The following XRN1 variants were observed in gnomAD, a reference collection of about 807,000 sequenced individuals.
XRN1 encodes the protein 5'-3' exoribonuclease 1, also known as strand-exchange protein 1 homolog.
In XRN1, 67 loss-of-function variants were observed where a neutral mutation model predicts 222.3. That is an observed-to-expected ratio of 0.30 (90% CI 0.25 to 0.37). The LOEUF (loss-of-function observed/expected upper bound fraction) is 0.37, where lower values mean the gene tolerates loss of function less well. Ranked by LOEUF, XRN1 falls within the 10% of genes least tolerant of loss-of-function variation. The probability of loss-of-function intolerance (pLI) is 1.00; values close to 1 mark genes in which losing one functional copy is unlikely to be tolerated. For missense variants in XRN1, 1,707 were observed against 2,000.2 expected (o/e 0.85, Z 2.80); for synonymous variants, 643 against 652.4 (o/e 0.99, Z 0.22).
chr3:142,440,275 T>C (rs1190190520), intron 1 of XRN1, among the ~76,000 whole-genome samples: 1 of 152,170 alleles, frequency 6.6e-6, no homozygotes, highest in East Asian at 1.9e-4. Context: ...TGGGGAACTT[T>C]ACTCTTTTCA....
chr3:142,410,490 T>TTG (rs1256087901), intron 15 of XRN1, among the ~76,000 whole-genome samples: 64 of 127,790 alleles, frequency 5.0e-4, no homozygotes, highest in Non-Finnish European at 7.3e-4. Context: ...ATCTCATGTT[T>TTG]TTTTTTTTTT....
At chr3:142,329,290 T>C in intron 37 of XRN1, 144 bp downstream of exon 37, 1 of 480,096 alleles carries the variant, frequency 2.1e-6, no homozygotes, top group Non-Finnish European at 3.4e-6. Context: ...ATATTAGAGC[T>C]AGGGTAAGAA....
At position 142,370,488 on chromosome 3, in the gene XRN1, G is replaced by C. The variant is rs746397935; in HGVS notation, c.3201C>G (p.Cys1067Trp). 6.2e-7 allele frequency: 1 copy of C among 1,604,552 alleles called. No individual in the cohort carries two copies. The highest frequency in any genetic ancestry group is 8.5e-7 in the Non-Finnish European group (1 of 1,177,024). The part of the protein sequence containing the change: ...VEKIEEEVEK[C>W]KQRKNNKKVR... Reference sequence around the variant, plus strand: ...CTTGGTTACTGAAAGTTAGTACCTTGCACTTTTCGACTTCTTCCTCAATTT... The same window carrying C: ...CTTGGTTACTGAAAGTTAGTACCTTCCACTTTTCGACTTCTTCCTCAATTT... Residue 1067 changes from cysteine (C) to tryptophan (W), a missense_variant, in exon 27 of 41, where the codon TGC (cysteine) becomes TGG (tryptophan). Cys to Trp is a radical substitution (Grantham distance 215). This residue lies in a region of XRN1 where 1,234 missense variants were observed against 1,518.2 expected (regional missense o/e 0.81). Coordinates refer to ENST00000392981, the MANE Select transcript of XRN1 (RefSeq NM_001282857.2).
At chr3:142,352,403 C>T (rs1300615640) in intron 32 of XRN1, among the ~76,000 whole-genome samples, 1 of 152,154 alleles carries the variant, frequency 6.6e-6, no homozygotes, top group Non-Finnish European at 1.5e-5. Context: ...CTTATAATAG[C>T]ATATTGGCTG....
At chr3:142,378,071 A>G (rs76500670) in intron 23 of XRN1, among the ~76,000 whole-genome samples, 4 of 151,472 alleles carry the variant, frequency 2.6e-5, no homozygotes, top group South Asian at 2.1e-4. Context: ...CTATTAGTGG[A>G]AAAAAAAAGG....
chr3:142,369,476 G>A (rs1036249649), intron 27 of XRN1, among the ~76,000 whole-genome samples: 1 of 151,104 alleles, frequency 6.6e-6, no homozygotes, highest in African/African-American at 2.4e-5. Context: ...GCAAAACTCC[G>A]TCTCTACTAA....
chr3:142,320,259 G>A (rs537493894), intron 37 of XRN1, among the ~76,000 whole-genome samples: 3 of 151,910 alleles, frequency 2.0e-5, no homozygotes, highest in South Asian at 4.2e-4. Context: ...TTTAATAATA[G>A]CCATTCCGCC....
At chr3:142,355,569 A>C in intron 31 of XRN1, 73 bp from the exon 32 acceptor site, 1 of 1,011,464 alleles carries the variant, frequency 9.9e-7, no homozygotes, top group Non-Finnish European at 1.5e-6. Flanking sequence ...AAATCAAATA[A>C]TTCATCTATT....
At position 142,355,453 on chromosome 3, in the gene XRN1, G is replaced by A. The variant is rs2066439182; in HGVS notation, c.3716C>T (p.Ser1239Phe). Reference protein sequence around the residue: ...DDDEFCNIWQSLQGSGKMQYF... With the variant: ...DDDEFCNIWQFLQGSGKMQYF... ...TTGCATCTTTCCAGATCCCTGTAAG[G>A]ACTGCCAAATGTTGCAGAATTCATC... is the stretch of plus-strand genomic sequence containing the variant. Residue 1239 changes from serine (S) to phenylalanine (F), a missense_variant, in exon 32 of 41, where the codon TCC (serine) becomes TTC (phenylalanine). By Grantham distance (155) the Ser-to-Phe change is radical. Coordinates refer to ENST00000392981, the MANE Select transcript of XRN1 (RefSeq NM_001282857.2). The A allele has an allele frequency of 1.3e-6, 2 of 1,599,808 alleles. No individual in the cohort carries two copies. The highest frequency in any genetic ancestry group is 1.7e-6 in the Non-Finnish European group (2 of 1,171,446).
chr3:142,431,182 T>C (rs2069504632), intron 2 of XRN1, among the ~76,000 whole-genome samples: 1 of 152,236 alleles, frequency 6.6e-6, no homozygotes. Flanking sequence ...TCTACTACAG[T>C]ACTATCATTT....
chr3:142,360,873 C>CA (rs71153960), intron 29 of XRN1, among the ~76,000 whole-genome samples: 69,470 of 118,808 alleles, frequency 0.58, 20,775 homozygotes, highest in South Asian at 0.68. Flanking sequence ...GACTCCGTCT[C>CA]AAAAAAAAAA....
At chr3:142,416,236 G>A (rs1486427470) in intron 13 of XRN1, among the ~76,000 whole-genome samples, 1 of 152,098 alleles carries the variant, frequency 6.6e-6, no homozygotes, top group Non-Finnish European at 1.5e-5. Context: ...GAGTGCAGTG[G>A]TGCGATCTCA....
At position 142,376,546 on chromosome 3, in the gene XRN1, C is replaced by G; in HGVS notation, c.2764G>C (p.Gly922Arg). ...NPGYVLASRL[G>R]VSGYLVSRFT... Reference sequence around the variant, plus strand: ...CTTGAAACAAGGTATCCACTCACTCCAAGGCGACTGGCCAACACATATCCT... The same window carrying G: ...CTTGAAACAAGGTATCCACTCACTCGAAGGCGACTGGCCAACACATATCCT... The change falls in exon 24 of 41, where the codon GGA becomes CGA. Residue 922 changes from glycine to arginine, a missense_variant. Gly to Arg is a moderately radical substitution (Grantham distance 125). Around this residue, in one of 2 missense-constraint regions of XRN1, gnomAD observed 1,234 missense variants for 1,518.2 expected, o/e 0.81. Transcript: ENST00000392981. 1.2e-6 allele frequency: 2 copies of G among 1,613,278 alleles called. No individual in the cohort carries two copies. The highest frequency in any genetic ancestry group is 1.7e-6 in the Non-Finnish European group (2 of 1,179,508).
At chr3:142,400,165 T>C (rs2068074686) in intron 19 of XRN1, among the ~76,000 whole-genome samples, 1 of 152,142 alleles carries the variant, frequency 6.6e-6, no homozygotes, top group Non-Finnish European at 1.5e-5. Flanking sequence ...TGCTAAGTAA[T>C]ATAATGATAA....
chr3:142,409,773 T>C (rs1037779432), intron 15 of XRN1, among the ~76,000 whole-genome samples: 2 of 152,238 alleles, frequency 1.3e-5, no homozygotes, highest in African/African-American at 2.4e-5. Context: ...TAAGTCTTCA[T>C]ATCCATGAAC....
chr3:142,324,980 T>G (rs545519033), intron 37 of XRN1, among the ~76,000 whole-genome samples: 17 of 152,298 alleles, frequency 1.1e-4, no homozygotes, highest in African/African-American at 3.8e-4. Flanking sequence ...GACACTTAGG[T>G]TGATTTTGTA....
chr3:142,322,295 T>C (rs73238138), intron 37 of XRN1, among the ~76,000 whole-genome samples: 19,588 of 152,206 alleles, frequency 0.13, 1,276 homozygotes, highest in Non-Finnish European at 0.14. Context: ...AGGCTCACTG[T>C]AGCCAACTAC....
chr3:142,335,657 A>G (rs528490135), intron 33 of XRN1, 148 bp from the exon 34 acceptor site: 13 of 696,334 alleles, frequency 1.9e-5, no homozygotes, highest in Non-Finnish European at 2.9e-5. Context: ...TATAACATAG[A>G]TAAGGGGGAG....
chr3:142,424,128 C>T (rs2069149948), intron 5 of XRN1, among the ~76,000 whole-genome samples: 2 of 151,892 alleles, frequency 1.3e-5, no homozygotes, highest in African/African-American at 4.8e-5. Context: ...CAGAGTCTCG[C>T]TCTGTTGCCC....
Sources: gnomAD v4.1 joint callset for allele counts (sites outside exome capture counted in the v4.1 genomes callset) on GRCh38, gnomAD v4.1.1 for gene constraint, gnomAD v4.1.1 regional missense constraint, MANE v1.5 for transcripts, NCBI Gene and HGNC (gene_info 2026-07-23, HGNC 2026-07-21) for gene names.